CNTLN: variants seen among roughly 807,000 people sequenced by gnomAD.
CNTLN encodes the protein centlein.
Under a neutral mutation model 180.0 loss-of-function variants are expected in CNTLN, and 212 were observed. The ratio of observed to expected loss-of-function variants is 1.18; its 90% CI spans 1.05 to 1.32. The LOEUF (loss-of-function observed/expected upper bound fraction) is 1.32, where lower values mean the gene tolerates loss of function less well. CNTLN is among the 40% of genes most tolerant of loss of function. CNTLN has a pLI of 0.00. For missense variants in CNTLN, 2,095 were observed against 1,610.9 expected (o/e 1.30, Z -5.14); for synonymous variants, 722 against 563.1 (o/e 1.28, Z -3.99).
intron 15 of CNTLN, among the ~76,000 whole-genome samples, chr9:17,408,488 T>A (rs1327882341): frequency 6.6e-6 from 1 of 152,014 alleles, no homozygotes; most frequent in Non-Finnish European, 1.5e-5. Context: ...ACTACTGCCT[T>A]AGCCTTCATG....
intron 2 of CNTLN, among the ~76,000 whole-genome samples, chr9:17,160,128 T>C (rs1819577935): frequency 6.6e-6 from 1 of 152,212 alleles, no homozygotes; most frequent in Admixed American, 6.5e-5. Flanking sequence ...TTTTTCTACA[T>C]TCCTGGCCAT....
intron 5 of CNTLN, among the ~76,000 whole-genome samples, chr9:17,268,083 G>A (rs1563940098): frequency 6.6e-6 from 1 of 152,166 alleles, no homozygotes. Flanking sequence ...CTGGTGAGGA[G>A]CTCTGTCCTT....
the CNTLN span, among the ~76,000 whole-genome samples, chr9:17,511,666 A>G: frequency 1.1e-4 from 16 of 151,386 alleles, no homozygotes; most frequent in African/African-American, 3.6e-4. Flanking sequence ...ACACACACAC[A>G]CACACGCACA....
Position 17,434,785 on chromosome 9 carries a change from C to G in CNTLN, c.3114+18596C>G, listed in dbSNP as rs572096180. Among the ~76,000 whole-genome samples the G allele has an allele frequency of 2.6e-3, 392 of 151,690 alleles. 3 individuals carry two copies. The highest frequency in any genetic ancestry group is 3.7e-3 in the Non-Finnish European group (254 of 67,906). Reference sequence around the variant, plus strand: ...TAAGTATATAGGTTGTCTGTGAAGTCTCTCTTCATTCCTGAAGGATATAGA... The same window carrying G: ...TAAGTATATAGGTTGTCTGTGAAGTGTCTCTTCATTCCTGAAGGATATAGA... On this transcript the variant is annotated intron_variant, in intron 18 of 25. Coordinates refer to ENST00000380647, the MANE Select transcript of CNTLN (RefSeq NM_017738.4).
In CNTLN at chr9:17,245,735, A is replaced by G. The variant is rs10118869; in HGVS notation, c.849+9147A>G. 8.5e-3 allele frequency among the ~76,000 whole-genome samples: 1,268 copies of G among 150,040 alleles called. 13 individuals carry two copies. The highest frequency in any genetic ancestry group is 0.028 in the African/African-American group (1,162 of 40,894). Reference sequence around the variant, plus strand: ...TGTGTGTGCTTCATTCTTTTTCCTCATTTTTCTTTTGTCTCCTCTAACTGT... The same window carrying G: ...TGTGTGTGCTTCATTCTTTTTCCTCGTTTTTCTTTTGTCTCCTCTAACTGT... On this transcript the variant is annotated intron_variant, in intron 5 of 25. Coordinates refer to ENST00000380647, the MANE Select transcript of CNTLN (RefSeq NM_017738.4).
intron 5 of CNTLN, among the ~76,000 whole-genome samples, chr9:17,271,763 A>G (rs928174057): frequency 2.0e-5 from 3 of 152,134 alleles, no homozygotes; most frequent in African/African-American, 7.2e-5. Context: ...TTCAGAATAT[A>G]TTTTAAATTT....
the CNTLN span, among the ~76,000 whole-genome samples, chr9:17,520,716 T>C: frequency 6.6e-6 from 1 of 152,236 alleles, no homozygotes; most frequent in Non-Finnish European, 1.5e-5. Flanking sequence ...GTTCAGTAAG[T>C]TGCTCTGTTA....
intron 15 of CNTLN, among the ~76,000 whole-genome samples, chr9:17,405,746 A>G (rs928171963): frequency 6.6e-6 from 1 of 151,614 alleles, no homozygotes; most frequent in African/African-American, 2.4e-5. Flanking sequence ...CCCAAAATGT[A>G]TGTATCCATT....
chr9:17,499,846 G>A (rs532955290), intron 25 of CNTLN, among the ~76,000 whole-genome samples: 1 of 152,038 alleles, frequency 6.6e-6, no homozygotes, highest in Admixed American at 6.6e-5. Flanking sequence ...TGAATTTACA[G>A]TTAGCAATAA....
At chr9:17,189,606 C>G (rs940397639) in intron 2 of CNTLN, among the ~76,000 whole-genome samples, 1 of 151,794 alleles carries the variant, frequency 6.6e-6, no homozygotes, top group Non-Finnish European at 1.5e-5. Flanking sequence ...GTCTCATCCT[C>G]CTGAGTAGCT....
At chr9:17,234,408 A>C (rs1825006923) in intron 3 of CNTLN, among the ~76,000 whole-genome samples, 1 of 151,624 alleles carries the variant, frequency 6.6e-6, no homozygotes, top group Admixed American at 6.6e-5. Flanking sequence ...GTGCCACTGC[A>C]CTCCAGAGTG....
intron 25 of CNTLN, among the ~76,000 whole-genome samples, chr9:17,494,532 C>T (rs1046831372): frequency 5.3e-5 from 8 of 152,100 alleles, no homozygotes; most frequent in Admixed American, 3.9e-4. Context: ...CACCCTCTAC[C>T]GTCAAATAGG....
At chr9:17,513,315 T>G in the CNTLN span, among the ~76,000 whole-genome samples, 1 of 152,018 alleles carries the variant, frequency 6.6e-6, no homozygotes, top group African/African-American at 2.4e-5. Flanking sequence ...GAGACATAGC[T>G]AAAGCTCTAT....
intron 2 of CNTLN, among the ~76,000 whole-genome samples, chr9:17,146,600 G>C (rs1818474122): frequency 6.6e-6 from 1 of 152,104 alleles, no homozygotes; most frequent in South Asian, 2.1e-4. Context: ...ACATGGAACA[G>C]ACCCTTACCA....
At chr9:17,168,956 A>G (rs2210540) in intron 2 of CNTLN, among the ~76,000 whole-genome samples, 7,346 of 152,224 alleles carry the variant, frequency 0.048, 227 homozygotes, top group South Asian at 0.15. Flanking sequence ...TCACTGCCGT[A>G]GTCTGGCATC....
chr9:17,351,247 G>A (rs978820886), intron 12 of CNTLN, among the ~76,000 whole-genome samples: 2 of 152,062 alleles, frequency 1.3e-5, no homozygotes, highest in Non-Finnish European at 2.9e-5. Context: ...TGTCATAGGC[G>A]TTCTCTGTAC....
rs1259136750 is a variant in CNTLN, at chr9:17,352,410, ATATATATTT to A, written c.1886+9968_1886+9976del. 3.5e-3 allele frequency among the ~76,000 whole-genome samples: 70 copies of A among 19,912 alleles called. 2 individuals are homozygous for A. The highest frequency in any genetic ancestry group is 0.02 in the East Asian group (8 of 394). 13.1% of individuals were successfully genotyped at this position (19,912 alleles called of 152,430 possible). A position where few individuals can be genotyped will look rare whatever the true frequency, so the allele number is the denominator to read the frequency against. The stretch of plus-strand genomic sequence containing the variant: ...CTAGAATATATATATATATATATAT[ATATATATTT>A]TTTTTTTTTTTGGTATGTAGAAATG... On this transcript the variant is annotated intron_variant, in intron 12 of 25. Coordinates refer to ENST00000380647, the MANE Select transcript of CNTLN (RefSeq NM_017738.4).
At chr9:17,253,657 T>A (rs1250647483) in intron 5 of CNTLN, among the ~76,000 whole-genome samples, 1 of 151,478 alleles carries the variant, frequency 6.6e-6, no homozygotes, top group Non-Finnish European at 1.5e-5. Flanking sequence ...GTTCTGGAGT[T>A]TTTCTGGTAG....
intron 23 of CNTLN, among the ~76,000 whole-genome samples, chr9:17,467,702 A>C (rs759301552): frequency 1.3e-5 from 2 of 151,770 alleles, no homozygotes; most frequent in African/African-American, 2.4e-5. Context: ...GATTCAAAAC[A>C]CTATTTTTTG....
Sources: allele counts gnomAD v4.1 joint callset (sites outside exome capture counted in the v4.1 genomes callset), GRCh38; gene constraint gnomAD v4.1.1; transcripts MANE v1.5; gene names NCBI Gene and HGNC (gene_info 2026-07-23, HGNC 2026-07-21).